The following MYH7B variants were observed in gnomAD, a reference collection of about 807,000 sequenced individuals.
The protein encoded by MYH7B is myosin-7B.
Under a neutral mutation model 234.5 loss-of-function variants are expected in MYH7B, and 205 were observed. The observed-to-expected ratio is 0.87, with a 90% CI of 0.78 to 0.98. The LOEUF is 0.98. Among genes scored for constraint, MYH7B ranks in the 50% least tolerant of loss-of-function variants. The pLI, the probability that MYH7B is intolerant of heterozygous loss-of-function variation, is 0.00. For synonymous variants in MYH7B, 1,193 were observed against 1,105.0 expected (o/e 1.08, Z -1.58); for missense variants, 2,652 against 2,633.4 (o/e 1.01, Z -0.15).
chr20:34,994,295 G>A (rs945925481), exon 27 of MYH7B: 19 of 1,611,336 alleles, frequency 1.2e-5, no homozygotes, highest in Non-Finnish European at 1.4e-5. Context: ...GAGCTGCGGG[G>A]GTTGCGAGGG....
exon 40 of MYH7B, chr20:35,000,853 G>A (rs1253734560): frequency 6.2e-7 from 1 of 1,613,524 alleles, no homozygotes; most frequent in East Asian, 2.2e-5. Flanking sequence ...GCACAGGAGA[G>A]GCGGGAGGCT....
chr20:34,996,741 G>A, exon 30 of MYH7B: 3 of 1,612,262 alleles, frequency 1.9e-6, no homozygotes, highest in Non-Finnish European at 2.5e-6. Flanking sequence ...AGCAGCAGCT[G>A]GAGGAGAAGC....
chr20:34,956,688 TAGGTAGTGAAGG>T (rs1403071979), intron 1 of MYH7B, among the ~76,000 whole-genome samples: 1 of 152,006 alleles, frequency 6.6e-6, no homozygotes, highest in East Asian at 1.9e-4. Flanking sequence ...TAGGAAGGTA[TAGGTAGTGAAGG>T]AGGTAGGGGT....
chr20:34,999,985 G>A, intron 38 of MYH7B, 79 bp downstream of exon 38: 1 of 1,336,546 alleles, frequency 7.5e-7, no homozygotes, highest in Non-Finnish European at 1.1e-6. Context: ...TCTCTAGTCT[G>A]TCCCTCCCAT....
In MYH7B at chr20:34,997,176, G is replaced by A. The variant is rs1273644553; in HGVS notation, c.3357+3G>A. 3.9e-6 allele frequency: 6 copies of A among 1,550,192 alleles called. No homozygotes were observed. The highest frequency in any genetic ancestry group is 5.2e-6 in the Non-Finnish European group (6 of 1,147,174). ...AGAAGAAGATCAAGGAGCTGCAGGT[G>A]CGTGGGGATCGGGTGGGTGAGGCCT... is the stretch of plus-strand genomic sequence containing the variant. On this transcript the variant is annotated splice_donor_region_variant and intron_variant, in intron 31 of 44. Coordinates refer to ENST00000262873, the Ensembl canonical transcript of MYH7B.
intron 10 of MYH7B, among the ~76,000 whole-genome samples, chr20:34,983,298 CTT>C (rs57589264): frequency 8.5e-3 from 608 of 71,610 alleles, no homozygotes; most frequent in Middle Eastern, 0.025. Context: ...CTTTTCTTTT[CTT>C]TTTTTTTTTT....
At chr20:34,983,138 T>C (rs2081963349) in intron 10 of MYH7B, among the ~76,000 whole-genome samples, 1 of 152,218 alleles carries the variant, frequency 6.6e-6, no homozygotes, top group South Asian at 2.1e-4. Flanking sequence ...TACCCCTAGA[T>C]GGGCTGCCTT....
chr20:34,986,890 G>C (rs375025593), exon 15 of MYH7B: 1 of 1,613,234 alleles, frequency 6.2e-7, no homozygotes, highest in East Asian at 2.2e-5. Flanking sequence ...CCCCAGACAT[G>C]CTGCTTCTGT....
chr20:34,963,712 CTTAAA>C (rs1375425421), intron 2 of MYH7B, among the ~76,000 whole-genome samples: 6 of 152,092 alleles, frequency 3.9e-5, no homozygotes, highest in African/African-American at 7.2e-5. Context: ...AGTTTTGGCT[CTTAAA>C]TTTAAGTCTT....
At chr20:35,002,405 C>T (rs571483235) in exon 45 of MYH7B, 13 of 428,666 alleles carry the variant, frequency 3.0e-5, no homozygotes, top group East Asian at 1.4e-4. Context: ...CCACAGCAGT[C>T]ATTTTTAAAA....
chr20:34,996,444 G>A, exon 29 of MYH7B: 1 of 1,613,546 alleles, frequency 6.2e-7, no homozygotes, highest in Non-Finnish European at 8.5e-7. Flanking sequence ...AACAGGCCCT[G>A]GGTGACCTGC....
At chr20:34,980,168 A>G (rs1057228404) in intron 7 of MYH7B, 1 of 362,188 alleles carries the variant, frequency 2.8e-6, no homozygotes, top group South Asian at 3.7e-5. Context: ...TGGCAAGTCA[A>G]GTAGCTCCTT....
chr20:34,997,237 C>A lies in MYH7B; in HGVS notation c.3358-14C>A. ...GCCCACAGAGGTGACAGCTGCCCCA[C>A]GTGCCCACCCCAGGCTCGGGCGGAG... On this transcript the variant is annotated splice_polypyrimidine_tract_variant and intron_variant, in intron 31 of 44. Coordinates refer to ENST00000262873, the Ensembl canonical transcript of MYH7B. The A allele has an allele frequency of 6.4e-7, 1 of 1,556,844 alleles. No individual in the cohort carries two copies. The highest frequency in any genetic ancestry group is 8.7e-7 in the Non-Finnish European group (1 of 1,151,368).
chr20:34,962,093 G>A (rs558547836), intron 2 of MYH7B, among the ~76,000 whole-genome samples: 4 of 152,316 alleles, frequency 2.6e-5, no homozygotes, highest in South Asian at 2.1e-4. Flanking sequence ...CGGGCGTGGT[G>A]GCATGCGCCT....
At chr20:35,002,144 G>C (rs368356624) in intron 44 of MYH7B, 33 bp from the exon 45 acceptor site, 46 of 1,599,818 alleles carry the variant, frequency 2.9e-5, no homozygotes, top group Non-Finnish European at 3.1e-5. Context: ...CTGACAGGTA[G>C]TACTGCTCAC....
chr20:34,994,598 C>T (rs1452671991), intron 27 of MYH7B, among the ~76,000 whole-genome samples, 197 bp downstream of exon 27: 2 of 152,334 alleles, frequency 1.3e-5, no homozygotes, highest in South Asian at 2.1e-4. Flanking sequence ...ACTCTCCCCT[C>T]GTGCCACCTT....
Position 34,995,454 on chromosome 20 carries a change from A to AC in MYH7B, c.2820dup (p.Ala941ArgfsTer2). The AC allele has an allele frequency of 6.2e-7, 1 of 1,613,710 alleles. No individual in the cohort carries two copies. Among genetic ancestry groups the AC allele is most frequent in the East Asian group, 2.2e-5 (1 of 44,866 alleles). On this transcript the variant is annotated frameshift_variant, in exon 28 of 45. Coordinates refer to ENST00000262873, the Ensembl canonical transcript of MYH7B. LOFTEE classifies it high-confidence loss of function. ...CGGCTGGAGGATGAGGAGGAGGTGA[A>AC]CGCTGACCTGGCCGCCCGCCGGCGC...
exon 39 of MYH7B, chr20:35,000,446 G>A: frequency 1.2e-6 from 2 of 1,602,010 alleles, no homozygotes; most frequent in Non-Finnish European, 1.7e-6. Flanking sequence ...AGGCCACAGA[G>A]GCCCAGGCTG....
At chr20:34,985,982 G>GTGCAGA in intron 13 of MYH7B, 118 bp from the exon 14 acceptor site, 1 of 803,432 alleles carries the variant, frequency 1.2e-6, no homozygotes, top group Middle Eastern at 3.4e-4. Flanking sequence ...AAGCTGGCAG[G>GTGCAGA]TGCAGATGCA....
Sources: allele counts gnomAD v4.1 joint callset (sites outside exome capture counted in the v4.1 genomes callset), GRCh38; gene constraint gnomAD v4.1.1; transcripts MANE v1.5; gene names NCBI Gene and HGNC (gene_info 2026-07-23, HGNC 2026-07-21).